Variants in COL24A1 observed in about 807,000 individuals in gnomAD.
The protein encoded by COL24A1 is collagen type XXIV alpha 1 chain.
In COL24A1, 224 loss-of-function variants were observed where a neutral mutation model predicts 253.9. The observed-to-expected ratio is 0.88, with a 90% CI of 0.79 to 0.99. COL24A1 has a LOEUF of 0.99. COL24A1 is among the 50% of genes least tolerant of loss of function. COL24A1 has a pLI of 0.00. For synonymous variants in COL24A1, 685 were observed against 673.7 expected (o/e 1.02, Z -0.26); for missense variants, 2,131 against 2,068.5 (o/e 1.03, Z -0.59).
chr1:85,738,154 G>A (rs1664250523), intron 57 of COL24A1, among the ~76,000 whole-genome samples: 1 of 152,040 alleles, frequency 6.6e-6, no homozygotes. Flanking sequence ...TAGTTACATA[G>A]TTAACAAAAA....
chr1:85,765,009 T>C (rs953612606), intron 53 of COL24A1, among the ~76,000 whole-genome samples: 5 of 152,222 alleles, frequency 3.3e-5, no homozygotes, highest in Non-Finnish European at 7.3e-5. Flanking sequence ...GTAAGTGTTC[T>C]TGAATTTAAA....
At chr1:86,031,603 T>A (rs545673809) in intron 14 of COL24A1, among the ~76,000 whole-genome samples, 2 of 152,186 alleles carry the variant, frequency 1.3e-5, no homozygotes, top group South Asian at 2.1e-4. Flanking sequence ...AAACTTTGTC[T>A]TAAGTATCCT....
intron 5 of COL24A1, among the ~76,000 whole-genome samples, chr1:86,097,565 TCCCCCTCCTCCTC>T (rs1327440543): frequency 9.4e-4 from 4 of 4,240 alleles, no homozygotes; most frequent in Non-Finnish European, 3.3e-3. Flanking sequence ...TCCCTTCTCC[TCCCCCTCCTCCTC>T]CCCCCTCCTC....
At chr1:85,854,850 T>C (rs1678245042) in intron 37 of COL24A1, among the ~76,000 whole-genome samples, 2 of 151,984 alleles carry the variant, frequency 1.3e-5, no homozygotes, top group African/African-American at 4.8e-5. Context: ...ACTACAGGTG[T>C]GCACCACCAC....
intron 14 of COL24A1, among the ~76,000 whole-genome samples, chr1:86,024,856 C>T (rs1180333892): frequency 1.3e-5 from 2 of 151,996 alleles, no homozygotes; most frequent in African/African-American, 2.4e-5. Flanking sequence ...TTCTTTGTGT[C>T]CTTTTGTTTT....
chr1:86,005,523 C>T (rs893121992), intron 19 of COL24A1, among the ~76,000 whole-genome samples: 1 of 151,782 alleles, frequency 6.6e-6, no homozygotes, highest in South Asian at 2.1e-4. Flanking sequence ...TGACAAAATA[C>T]CAAAAAGTAA....
chr1:86,008,654 T>A (rs1035130706), intron 19 of COL24A1, among the ~76,000 whole-genome samples: 2 of 152,104 alleles, frequency 1.3e-5, no homozygotes, highest in Non-Finnish European at 2.9e-5. Flanking sequence ...CAATTAGCCA[T>A]GAGAATTAAC....
chr1:86,073,166 A>T (rs1204664302), intron 7 of COL24A1, among the ~76,000 whole-genome samples: 1 of 152,138 alleles, frequency 6.6e-6, no homozygotes, highest in Non-Finnish European at 1.5e-5. Context: ...GTGGGTAATA[A>T]CAAACTCCTC....
chr1:86,139,496 C>T (rs929820792), intron 2 of COL24A1, among the ~76,000 whole-genome samples: 4 of 152,264 alleles, frequency 2.6e-5, no homozygotes, highest in Middle Eastern at 3.4e-3. Flanking sequence ...ATTATGTTTA[C>T]TACCTCAAAA....
chr1:85,757,302 T>C (rs1558007562), intron 55 of COL24A1, among the ~76,000 whole-genome samples: 1 of 152,174 alleles, frequency 6.6e-6, no homozygotes. Context: ...ATTTGTCCTC[T>C]AGGTATTCTA....
At chr1:85,799,998 T>C (rs1319031682) in intron 47 of COL24A1, among the ~76,000 whole-genome samples, 2 of 152,228 alleles carry the variant, frequency 1.3e-5, no homozygotes, top group Non-Finnish European at 2.9e-5. Flanking sequence ...ATGAGCTTTC[T>C]GTACCAGTCG....
At chr1:86,068,079 C>A (rs1384737797) in intron 7 of COL24A1, among the ~76,000 whole-genome samples, 2 of 152,176 alleles carry the variant, frequency 1.3e-5, no homozygotes, top group Non-Finnish European at 2.9e-5. Context: ...CAAAGGAGGG[C>A]AGAGCAAGAT....
intron 14 of COL24A1, among the ~76,000 whole-genome samples, chr1:86,029,535 T>C (rs1006951140): frequency 6.6e-6 from 1 of 152,158 alleles, no homozygotes; most frequent in African/African-American, 2.4e-5. Context: ...AGATGGCAAG[T>C]TAAAGCTTAT....
chr1:85,918,513 C>G (rs972727588), intron 24 of COL24A1, among the ~76,000 whole-genome samples: 1 of 152,124 alleles, frequency 6.6e-6, no homozygotes, highest in African/African-American at 2.4e-5. Context: ...ATGGTTGTCT[C>G]TACTACAGAC....
At chr1:85,747,491 C>G (rs1447084278) in intron 55 of COL24A1, among the ~76,000 whole-genome samples, 1 of 151,968 alleles carries the variant, frequency 6.6e-6, no homozygotes, top group Non-Finnish European at 1.5e-5. Flanking sequence ...AAAATTTCAA[C>G]AAACCCATTA....
At chr1:86,003,803 T>A (rs1305235463) in intron 19 of COL24A1, among the ~76,000 whole-genome samples, 1 of 138,104 alleles carries the variant, frequency 7.2e-6, no homozygotes, top group South Asian at 2.3e-4. Flanking sequence ...GGAAGAGAGA[T>A]CTGAGACAGA....
intron 12 of COL24A1, among the ~76,000 whole-genome samples, chr1:86,040,409 C>G (rs2101598957): frequency 6.6e-6 from 1 of 151,318 alleles, no homozygotes; most frequent in East Asian, 2.0e-4. Context: ...TGGTGTGCTG[C>G]ACCCACTAAC....
intron 11 of COL24A1, among the ~76,000 whole-genome samples, chr1:86,049,080 C>G (rs2101666445): frequency 6.6e-6 from 1 of 152,244 alleles, no homozygotes; most frequent in South Asian, 2.1e-4. Flanking sequence ...GAGATACATC[C>G]TCCGTTAGTT....
At position 85,871,930 on chromosome 1, in the gene COL24A1, A is replaced by G. The variant is rs1680550248; in HGVS notation, c.3138+2719T>C. Among the ~76,000 whole-genome samples, 4 of 152,212 alleles carry G rather than the reference A, an allele frequency of 2.6e-5. No homozygotes were observed. In the South Asian group the frequency reaches 8.3e-4, roughly 32 times the overall value. On this transcript the variant is annotated intron_variant, in intron 35 of 59. Transcript: ENST00000370571. ...ATTGTCCCTGTTTGCAGATGACATG[A>G]TTGTATATTTAGAAAACCCCATCGT...
Sources: allele counts gnomAD v4.1 joint callset (sites outside exome capture counted in the v4.1 genomes callset), GRCh38; gene constraint gnomAD v4.1.1; transcripts MANE v1.5; gene names NCBI Gene and HGNC (gene_info 2026-07-23, HGNC 2026-07-21).